Variants in CTNNA3 observed in about 807,000 individuals in gnomAD.
CTNNA3 encodes the protein catenin alpha-3.
Under a neutral mutation model 95.7 loss-of-function variants are expected in CTNNA3, and 76 were observed. The observed-to-expected ratio is 0.79, with a 90% CI of 0.66 to 0.96. The LOEUF (loss-of-function observed/expected upper bound fraction) is 0.96, where lower values mean the gene tolerates loss of function less well. Among genes scored for constraint, CTNNA3 ranks in the 40% least tolerant of loss-of-function variants. The probability of loss-of-function intolerance (pLI) is 0.00; values close to 1 mark genes in which losing one functional copy is unlikely to be tolerated. For missense variants in CTNNA3, 1,191 were observed against 1,089.8 expected (o/e 1.09, Z -1.31); for synonymous variants, 431 against 374.4 (o/e 1.15, Z -1.74).
intron 14 of CTNNA3, among the ~76,000 whole-genome samples, chr10:66,088,449 T>C (rs184562224): frequency 1.3e-5 from 2 of 151,660 alleles, no homozygotes; most frequent in Admixed American, 6.6e-5. Flanking sequence ...TTAATGGTTA[T>C]CAGTTGTTTC....
chr10:66,353,464 A>T (rs2092582629), intron 12 of CTNNA3, among the ~76,000 whole-genome samples: 1 of 152,168 alleles, frequency 6.6e-6, no homozygotes, highest in Admixed American at 6.5e-5. Context: ...CAAAAATAAA[A>T]TATTGTTGTC....
rs557106992 is a variant in CTNNA3, at chr10:66,347,443, G to A, written c.1732+31709C>T. Among the ~76,000 whole-genome samples the A allele has an allele frequency of 1.1e-4, 16 of 151,884 alleles. 1 individual carries two copies. The South Asian group carries it at 1.9e-3, about 18-fold the overall frequency. On this transcript the variant is annotated intron_variant, in intron 12 of 17. Coordinates refer to ENST00000433211, the MANE Select transcript of CTNNA3 (RefSeq NM_013266.4). ...TGGGGCAAGATTTTTGTGAGATTCCGTCTCTACAAAACATTTTAAAAATGA... is the reference window on the plus strand; with the variant it reads ...TGGGGCAAGATTTTTGTGAGATTCCATCTCTACAAAACATTTTAAAAATGA...
intron 7 of CTNNA3, among the ~76,000 whole-genome samples, chr10:66,963,356 C>A (rs150538371): frequency 6.6e-6 from 1 of 152,204 alleles, no homozygotes; most frequent in East Asian, 1.9e-4. Context: ...CAGTTATTTG[C>A]TTGTAGTATG....
At chr10:65,921,610 T>G (rs976126157) in intron 17 of CTNNA3, among the ~76,000 whole-genome samples, 3 of 152,204 alleles carry the variant, frequency 2.0e-5, no homozygotes, top group Non-Finnish European at 4.4e-5. Flanking sequence ...CTTCCACTGG[T>G]GTGGATCTCA....
intron 5 of CTNNA3, among the ~76,000 whole-genome samples, chr10:67,483,362 C>T (rs1387002129): frequency 7.0e-6 from 1 of 143,734 alleles, no homozygotes; most frequent in East Asian, 2.2e-4. Context: ...GACTTGGAAC[C>T]AACCCAAATG....
rs535795602 is a variant in CTNNA3, at chr10:66,911,255, C to A, written c.1048-135731G>T. 2.2e-4 allele frequency among the ~76,000 whole-genome samples: 33 copies of A among 152,218 alleles called. No individual in the cohort carries two copies. The South Asian group carries it at 3.9e-3, about 18-fold the overall frequency. ...CTTAAAAGAATTGTTTTGCCCATGG[C>A]AAAGAATGCCATGCATTAAATTCAA... On this transcript the variant is annotated intron_variant, in intron 7 of 17. Coordinates refer to ENST00000433211, the MANE Select transcript of CTNNA3 (RefSeq NM_013266.4).
intron 6 of CTNNA3, among the ~76,000 whole-genome samples, chr10:67,202,261 T>C (rs1045879254): frequency 6.6e-6 from 1 of 151,352 alleles, no homozygotes; most frequent in African/African-American, 2.4e-5. Context: ...CTGTAAATTA[T>C]AGATCCATGG....
chr10:66,513,880 C>T lies in CTNNA3; in HGVS notation c.1531+6737G>A, dbSNP rs188961461. Among the ~76,000 whole-genome samples the T allele has an allele frequency of 1.8e-4, 27 of 152,238 alleles. 1 individual carries two copies. The East Asian group carries it at 5.0e-3, about 28-fold the overall frequency. ...CCTGGGATTTAGGTCTCTGTGTGGG[C>T]TCAGGTAACAGAGACCCTGTGGCAC... On this transcript the variant is annotated intron_variant, in intron 11 of 17. Transcript: ENST00000433211.
intron 7 of CTNNA3, among the ~76,000 whole-genome samples, chr10:66,943,539 T>C (rs1235846228): frequency 6.6e-6 from 1 of 151,078 alleles, no homozygotes; most frequent in Non-Finnish European, 1.5e-5. Context: ...TTTTCAGTAT[T>C]AGCATTGGCT....
intron 7 of CTNNA3, among the ~76,000 whole-genome samples, chr10:66,842,398 T>C (rs1276989223): frequency 6.6e-6 from 1 of 152,070 alleles, no homozygotes; most frequent in African/African-American, 2.4e-5. Context: ...AAGAAACCAA[T>C]CTGAAAGATT....
At position 66,878,837 on chromosome 10, in the gene CTNNA3, C is replaced by T. The variant is rs1480314782; in HGVS notation, c.1048-103313G>A. On this transcript the variant is annotated intron_variant, in intron 7 of 17. Coordinates refer to ENST00000433211, the MANE Select transcript of CTNNA3 (RefSeq NM_013266.4). ...CCAAAATTATTTTGGATAGAGCCCC[C>T]TTTGTGAATAGATTCATCCACCTGC... Among the ~76,000 whole-genome samples the T allele has an allele frequency of 2.0e-5, 3 of 152,126 alleles. No individual in the cohort carries two copies. In the East Asian group the frequency reaches 5.8e-4, roughly 29 times the overall value.
chr10:66,829,892 G>T (rs975883780), intron 7 of CTNNA3, among the ~76,000 whole-genome samples: 4 of 55,642 alleles, frequency 7.2e-5, no homozygotes, highest in Non-Finnish European at 1.7e-4. Flanking sequence ...TTGAGACGGA[G>T]TCTAGCTCTG....
chr10:66,529,959 CAGGGTTTG>C (rs1841409037), intron 10 of CTNNA3, among the ~76,000 whole-genome samples: 1 of 152,110 alleles, frequency 6.6e-6, no homozygotes, highest in Admixed American at 6.5e-5. Context: ...GGTGTGGAGA[CAGGGTTTG>C]AATTAGCTCA....
intron 10 of CTNNA3, among the ~76,000 whole-genome samples, chr10:66,618,148 T>C (rs1844594792): frequency 6.6e-6 from 1 of 152,210 alleles, no homozygotes; most frequent in African/African-American, 2.4e-5. Context: ...AGGTAATTTA[T>C]AGATTCAATG....
intron 1 of CTNNA3, among the ~76,000 whole-genome samples, chr10:67,668,832 C>CTT (rs869150567): frequency 0.023 from 2,082 of 89,950 alleles, 12 homozygotes; most frequent in Non-Finnish European, 0.033. Context: ...TACTGTGTTT[C>CTT]TTTTTTTTTT....
chr10:66,011,942 C>T (rs1430140782), intron 15 of CTNNA3, among the ~76,000 whole-genome samples: 2 of 152,148 alleles, frequency 1.3e-5, no homozygotes, highest in Non-Finnish European at 2.9e-5. Flanking sequence ...AGGCTGGGGC[C>T]CTGCTGTCTG....
In CTNNA3 at chr10:67,539,662, A is replaced by G. The variant is rs1840607772; in HGVS notation, c.300T>C (p.Ala100=). The G allele has an allele frequency of 6.2e-7, 1 of 1,613,252 alleles. No individual in the cohort carries two copies. The highest frequency in any genetic ancestry group is 8.5e-7 in the Non-Finnish European group (1 of 1,179,504). The part of the protein sequence containing the change: ...SLEEVRKESE[A]LKVSAERFTD... ...TAAATCTCTCAGCTGATACTTTCAG[A>G]GCTTCACCTGAAAAATACAACCCCA... Residue 100 remains alanine (A), a synonymous_variant, in exon 4 of 18, where the codon GCT becomes GCC. Coordinates refer to ENST00000433211, the MANE Select transcript of CTNNA3 (RefSeq NM_013266.4).
At chr10:66,098,039 C>T (rs2081468166) in intron 14 of CTNNA3, 1 of 152,084 alleles carries the variant, frequency 6.6e-6, no homozygotes. Context: ...GAGAGACTTT[C>T]AGGGTCTGGG....
chr10:66,921,186 A>C (rs1288048931), intron 7 of CTNNA3, among the ~76,000 whole-genome samples: 1 of 152,168 alleles, frequency 6.6e-6, no homozygotes, highest in Non-Finnish European at 1.5e-5. Context: ...GAGAGAGAGA[A>C]GAAGCAAGCT....
Sources: gnomAD v4.1 joint callset for allele counts (sites outside exome capture counted in the v4.1 genomes callset) on GRCh38, gnomAD v4.1.1 for gene constraint, MANE v1.5 for transcripts, NCBI Gene and HGNC (gene_info 2026-07-23, HGNC 2026-07-21) for gene names.